TENM3: variants seen among roughly 807,000 people sequenced by gnomAD.
The protein encoded by TENM3 is teneurin-3.
A neutral mutation model predicts 255.1 loss-of-function variants in TENM3; 63 were observed. That is an observed-to-expected ratio of 0.25 (90% confidence interval 0.20 to 0.30). TENM3 has a LOEUF of 0.30. TENM3 is among the 10% of genes least tolerant of loss of function. TENM3 has a pLI of 1.00. For synonymous variants in TENM3, 1,306 were observed against 1,322.3 expected (o/e 0.99, Z 0.27); for missense variants, 2,929 against 3,461.1 (o/e 0.85, Z 3.86).
chr4:181,660,533 C>T, the TENM3 span, among the ~76,000 whole-genome samples: 70,815 of 151,928 alleles, frequency 0.47, 17,118 homozygotes, highest in African/African-American at 0.56. Flanking sequence ...CAAATCCTAT[C>T]AAACAGATTT....
chr4:182,784,662 G>A (rs993478332), intron 24 of TENM3, among the ~76,000 whole-genome samples: 37 of 151,128 alleles, frequency 2.4e-4, no homozygotes, highest in African/African-American at 7.6e-4. Flanking sequence ...CCTCGCTGCC[G>A]CCTTGCAGTT....
the TENM3 span, among the ~76,000 whole-genome samples, chr4:181,925,646 A>G: frequency 6.6e-6 from 1 of 152,242 alleles, no homozygotes; most frequent in Non-Finnish European, 1.5e-5. Context: ...ATAAAATGTT[A>G]TAAAGTTATG....
At position 182,731,786 on chromosome 4, in the gene TENM3, C is replaced by CTT. The variant is rs574747801; in HGVS notation, c.2967+659_2967+660dup. ...TAGGATATCTAGTTATTTCTTTTTT[C>CTT]TTTTTTTTTTTTTGAGACGGAGTCT... is the stretch of plus-strand genomic sequence containing the variant. On this transcript the variant is annotated intron_variant, in intron 16 of 27. Coordinates refer to ENST00000511685, the MANE Select transcript of TENM3 (RefSeq NM_001080477.4). 2.0e-4 allele frequency among the ~76,000 whole-genome samples: 26 copies of CTT among 127,734 alleles called. No homozygotes were observed. In the South Asian group the frequency reaches 5.9e-3, roughly 29 times the overall value. 83.8% of individuals were successfully genotyped at this position (127,734 alleles called of 152,430 possible). A position where few individuals can be genotyped will look rare whatever the true frequency, so the allele number is the denominator to read the frequency against.
chr4:182,278,231 G>A (rs1760133906), intron 1 of TENM3, among the ~76,000 whole-genome samples: 2 of 152,134 alleles, frequency 1.3e-5, no homozygotes, highest in South Asian at 4.1e-4. Flanking sequence ...GTTGGGTGTG[G>A]TGGCGCATGC....
At chr4:182,369,112 G>T (rs944746377) in intron 3 of TENM3, among the ~76,000 whole-genome samples, 1 of 152,134 alleles carries the variant, frequency 6.6e-6, no homozygotes, top group Non-Finnish European at 1.5e-5. Flanking sequence ...TAATTGCTAA[G>T]GATTTTGGAT....
the TENM3 span, among the ~76,000 whole-genome samples, chr4:181,922,637 T>G: frequency 2.6e-5 from 4 of 152,294 alleles, no homozygotes; most frequent in African/African-American, 9.6e-5. Context: ...TCTTCTTTAT[T>G]AGTCTTGCTA....
At chr4:181,934,075 T>TGTGCGCGC in the TENM3 span, among the ~76,000 whole-genome samples, 1 of 147,990 alleles carries the variant, frequency 6.8e-6, no homozygotes, top group East Asian at 1.9e-4. Flanking sequence ...TGTGTGTGTG[T>TGTGCGCGC]GCGCGCGCTT....
At chr4:181,494,971 C>A in the TENM3 span, among the ~76,000 whole-genome samples, 1 of 152,224 alleles carries the variant, frequency 6.6e-6, no homozygotes, top group African/African-American at 2.4e-5. Flanking sequence ...GAAGTTATCT[C>A]TTATTTTTTC....
chr4:181,578,588 CT>C, the TENM3 span, among the ~76,000 whole-genome samples: 1 of 152,196 alleles, frequency 6.6e-6, no homozygotes, highest in African/African-American at 2.4e-5. Flanking sequence ...GGGATGTCAC[CT>C]CCTGCAAGGT....
chr4:182,731,690 TTGGGG>T lies in TENM3; in HGVS notation c.2967+554_2967+558del, dbSNP rs1242194185. Among the ~76,000 whole-genome samples the T allele has an allele frequency of 5.7e-5, 6 of 104,792 alleles. No individual in the cohort carries two copies. The East Asian group carries it at 1.6e-3, about 29-fold the overall frequency. 68.7% of individuals were successfully genotyped at this position (104,792 alleles called of 152,430 possible). ...CTATAGAATGAATATATAGTGGGTG[TTGGGG>T]TGTGTGTGTGTGTGTGTGTGTGTGT... On this transcript the variant is annotated intron_variant, in intron 16 of 27. Coordinates refer to ENST00000511685, the MANE Select transcript of TENM3 (RefSeq NM_001080477.4).
the TENM3 span, among the ~76,000 whole-genome samples, chr4:181,852,547 A>G: frequency 2.0e-5 from 3 of 152,230 alleles, no homozygotes; most frequent in Non-Finnish European, 4.4e-5. Flanking sequence ...TGAGGTACCA[A>G]TGAGATATTT....
intron 3 of TENM3, among the ~76,000 whole-genome samples, chr4:182,482,659 C>T (rs1734312968): frequency 6.6e-6 from 1 of 152,176 alleles, no homozygotes; most frequent in Non-Finnish European, 1.5e-5. Context: ...TACACATAGG[C>T]ATTGTCTTGT....
chr4:182,547,876 C>G (rs1275809815), intron 3 of TENM3, among the ~76,000 whole-genome samples: 1 of 152,010 alleles, frequency 6.6e-6, no homozygotes, highest in Non-Finnish European at 1.5e-5. Context: ...ATTGTAGCCA[C>G]AGAAATTGTT....
chr4:182,636,391 G>A (rs1751845120), intron 5 of TENM3, among the ~76,000 whole-genome samples: 3 of 152,106 alleles, frequency 2.0e-5, no homozygotes, highest in Admixed American at 2.0e-4. Context: ...CAAACATAAT[G>A]TATTTTACTC....
At chr4:182,765,180 TG>T (rs1434819077) in intron 22 of TENM3, among the ~76,000 whole-genome samples, 2 of 152,038 alleles carry the variant, frequency 1.3e-5, no homozygotes, top group Admixed American at 6.6e-5. Context: ...TCCAAAGATG[TG>T]GACACGAGAG....
At chr4:182,619,705 C>T (rs980046772) in intron 4 of TENM3, among the ~76,000 whole-genome samples, 2 of 152,134 alleles carry the variant, frequency 1.3e-5, no homozygotes, top group African/African-American at 4.8e-5. Context: ...TGTTAGTGTT[C>T]GGTGACCTTC....
the TENM3 span, among the ~76,000 whole-genome samples, chr4:181,964,712 G>A: frequency 6.6e-6 from 1 of 152,118 alleles, no homozygotes; most frequent in Non-Finnish European, 1.5e-5. Flanking sequence ...CATCAACATG[G>A]GACAAGTACC....
At chr4:181,581,568 T>C in the TENM3 span, among the ~76,000 whole-genome samples, 3 of 152,160 alleles carry the variant, frequency 2.0e-5, no homozygotes, top group Admixed American at 6.5e-5. Flanking sequence ...AAGACCAAAC[T>C]TTTCCCCCTT....
chr4:182,595,450 C>G (rs564498775), intron 3 of TENM3, among the ~76,000 whole-genome samples: 1 of 152,120 alleles, frequency 6.6e-6, no homozygotes, highest in African/African-American at 2.4e-5. Context: ...AACAGAATGC[C>G]TTAAGTGACG....
Sources: gnomAD v4.1 joint callset for allele counts (sites outside exome capture counted in the v4.1 genomes callset) on GRCh38, gnomAD v4.1.1 for gene constraint, MANE v1.5 for transcripts, NCBI Gene and HGNC (gene_info 2026-07-23, HGNC 2026-07-21) for gene names.